The following ZSCAN30 variants were observed in gnomAD, a reference collection of about 807,000 sequenced individuals.
ZSCAN30 encodes the protein zinc finger and SCAN domain-containing protein 30.
A neutral mutation model predicts 44.3 loss-of-function variants in ZSCAN30; 37 were observed. The observed-to-expected ratio is 0.84, with a 90% confidence interval of 0.64 to 1.10. The LOEUF (loss-of-function observed/expected upper bound fraction) is 1.10. Among genes scored for constraint, ZSCAN30 ranks in the 50% least tolerant of loss-of-function variants. The probability of loss-of-function intolerance (pLI) is 0.00; values close to 1 mark genes in which losing one functional copy is unlikely to be tolerated. For missense variants in ZSCAN30, 549 were observed against 582.6 expected, an observed-to-expected ratio of 0.94 and a Z score of 0.59; for synonymous variants, 181 against 204.6, an observed-to-expected ratio of 0.88 and a Z score of 0.98.
At chr18:35,275,603 T>A (rs891811704) in intron 1 of ZSCAN30, among the ~76,000 whole-genome samples, 5 of 152,122 alleles carry the variant, frequency 3.3e-5, no homozygotes, top group Non-Finnish European at 5.9e-5. Flanking sequence ...TTGGATCCCA[T>A]CTCCTTCCCC....
At chr18:35,262,346 TA>T (rs1267267250) in intron 3 of ZSCAN30, 1 of 152,190 alleles carries the variant, frequency 6.6e-6, no homozygotes, top group Non-Finnish European at 1.5e-5. Flanking sequence ...CTGCTGCCCA[TA>T]AGGATGATTT....
intron 1 of ZSCAN30, chr18:35,267,534 C>T (rs1055698570): frequency 1.3e-5 from 2 of 152,048 alleles, no homozygotes; most frequent in African/African-American, 4.8e-5. Context: ...AATGCCCGGC[C>T]GCACGCGCGC....
In ZSCAN30 at chr18:35,252,362, A is replaced by C. The variant is rs887281888; in HGVS notation, c.*1088T>G. On this transcript the variant is annotated 3_prime_UTR_variant, in exon 4 of 4. Coordinates refer to ENST00000333206, the MANE Select transcript of ZSCAN30 (RefSeq NM_001112734.4). ...ATGACTCTGGGACTCAGGCAGTGGG[A>C]AGTATAAAGGAACACGGTGATCTGC... 6.6e-6 allele frequency: 1 copy of C among 152,194 alleles called. No individual in the cohort carries two copies. The highest frequency in any genetic ancestry group is 1.9e-4 in the East Asian group (1 of 5,196). The allele number at this position is 152,194 out of a possible 1,614,324, so 9.4% of individuals were successfully genotyped here.
chr18:35,282,378 A>G (rs1333641172), intron 1 of ZSCAN30: 1 of 152,230 alleles, frequency 6.6e-6, no homozygotes, highest in Admixed American at 6.5e-5. Context: ...TTGTTATCAT[A>G]ATTTGGAGAA....
rs1325915431 is a variant in ZSCAN30, at chr18:35,264,112, C to T, written c.241G>A (p.Val81Met). 7 of 1,614,162 alleles carry T rather than the reference C, an allele frequency of 4.3e-6. No individual in the cohort carries two copies. The highest frequency in any genetic ancestry group is 1.1e-5 in the South Asian group (1 of 91,086). Residue 81 changes from valine (V) to methionine (M), a missense_variant, in exon 2 of 4, where the codon GTG becomes ATG. Transcript: ENST00000333206. ...TCCAGGATCTGCTCCTTGGAGTGCA[C>T]CTCCGGCCTCAACCACTGACAGCAA... ...ELCCQWLRPE[V>M]HSKEQILELL...
chr18:35,277,762 G>A (rs1006053016), intron 1 of ZSCAN30, among the ~76,000 whole-genome samples: 6 of 152,160 alleles, frequency 3.9e-5, no homozygotes, highest in South Asian at 2.1e-4. Context: ...GTTTGTGGAT[G>A]TATACTCTAT....
Position 35,254,131 on chromosome 18 carries a change from T to C in ZSCAN30, c.804A>G (p.Thr268=), listed in dbSNP as rs2289037. ...CATGAGATTCAAGGACACTGTGTTC[T>C]GTGGGGATTCTTCTGTTGAAGGTTG... ...SLATFNRRIP[T]EHSVLESHES... Residue 268 remains threonine, a synonymous_variant, in exon 4 of 4, where the codon ACA becomes ACG. Transcript: ENST00000333206. 0.029 allele frequency: 47,368 copies of C among 1,614,200 alleles called. 2,094 individuals are homozygous for C. Among genetic ancestry groups the C allele is most frequent in the East Asian group, 0.23 (10,354 of 44,878 alleles).
intron 1 of ZSCAN30, among the ~76,000 whole-genome samples, chr18:35,279,992 T>A (rs923977580): frequency 6.6e-6 from 1 of 152,132 alleles, no homozygotes; most frequent in East Asian, 1.9e-4. Flanking sequence ...TAAACCACTG[T>A]GGGCCAGAAG....
chr18:35,275,998 C>T (rs1442504120), intron 1 of ZSCAN30, among the ~76,000 whole-genome samples: 1 of 152,092 alleles, frequency 6.6e-6, no homozygotes, highest in East Asian at 1.9e-4. Flanking sequence ...AGATGGATTC[C>T]TGGGATAAAT....
At position 35,252,210 on chromosome 18, in the gene ZSCAN30, T is replaced by A. The variant is rs1190958753; in HGVS notation, c.*1240A>T. 6.6e-6 allele frequency: 1 copy of A among 152,188 alleles called. No homozygotes were observed. The highest frequency in any genetic ancestry group is 1.9e-4 in the East Asian group (1 of 5,180). The allele number at this position is 152,188 out of a possible 1,614,324, so 9.4% of individuals were successfully genotyped here. ...CTAGACCCAGAATGACCTGTGAGAC[T>A]CTGAAGTACTCAGAATTAGTGTGGT... On this transcript the variant is annotated 3_prime_UTR_variant, in exon 4 of 4. Transcript: ENST00000333206.
intron 1 of ZSCAN30, among the ~76,000 whole-genome samples, chr18:35,265,588 AG>A (rs1193647134): frequency 6.6e-6 from 1 of 152,214 alleles, no homozygotes; most frequent in Admixed American, 6.5e-5. Context: ...TGAAAATGTT[AG>A]GAAGGGATCA....
chr18:35,277,631 C>CTCCCCA (rs945722295), intron 1 of ZSCAN30, among the ~76,000 whole-genome samples: 10 of 152,180 alleles, frequency 6.6e-5, no homozygotes, highest in African/African-American at 9.7e-5. Flanking sequence ...TTCCCGAAGC[C>CTCCCCA]TCCCCAGTCA....
intron 1 of ZSCAN30, among the ~76,000 whole-genome samples, chr18:35,265,872 A>G (rs1173727675): frequency 1.3e-5 from 2 of 152,150 alleles, no homozygotes; most frequent in Non-Finnish European, 2.9e-5. Flanking sequence ...AAGATGACTG[A>G]CCAAGACCAA....
At position 35,252,790 on chromosome 18, in the gene ZSCAN30, G is replaced by C. The variant is rs1246801657; in HGVS notation, c.*660C>G. ...CATATCCTATTAGCCCTTAACTCTG[G>C]GAGGGCAATGACCAGGTCTACCTCA... On this transcript the variant is annotated 3_prime_UTR_variant, in exon 4 of 4. Coordinates refer to ENST00000333206, the MANE Select transcript of ZSCAN30 (RefSeq NM_001112734.4). The C allele has an allele frequency of 6.6e-6, 1 of 152,216 alleles. No homozygotes were observed. The highest frequency in any genetic ancestry group is 2.4e-5 in the African/African-American group (1 of 41,410). The allele number at this position is 152,216 out of a possible 1,614,324, so 9.4% of individuals were successfully genotyped here. A position where few individuals can be genotyped will look rare whatever the true frequency, so the allele number is the denominator to read the frequency against.
chr18:35,255,474 A>G (rs2043773490), intron 3 of ZSCAN30, among the ~76,000 whole-genome samples: 1 of 152,088 alleles, frequency 6.6e-6, no homozygotes, highest in Admixed American at 6.6e-5. Flanking sequence ...AATAATTGCT[A>G]AGAGTTAGGA....
intron 1 of ZSCAN30, among the ~76,000 whole-genome samples, chr18:35,276,869 C>T (rs1228869038): frequency 6.6e-6 from 1 of 152,196 alleles, no homozygotes; most frequent in African/African-American, 2.4e-5. Context: ...GTTAGATCCA[C>T]TGAAAGCTTG....
At chr18:35,274,206 G>GT (rs1167076346) in intron 1 of ZSCAN30, among the ~76,000 whole-genome samples, 2 of 152,102 alleles carry the variant, frequency 1.3e-5, no homozygotes, top group East Asian at 3.9e-4. Context: ...TTTTTTGCTT[G>GT]TTTTTTGTTT....
chr18:35,253,824 C>T lies in ZSCAN30; in HGVS notation c.1111G>A (p.Glu371Lys). 6.2e-7 allele frequency: 1 copy of T among 1,614,172 alleles called. No homozygotes were observed. The highest frequency in any genetic ancestry group is 8.5e-7 in the Non-Finnish European group (1 of 1,180,024). ...ECGKAFRGSS[E>K]LIRHRRIHTG... ...TGGATTCTCCGATGCCTGATGAGCTCTGAACTGCCCCTGAAGGCTTTTCCA... is the reference window on the plus strand; with the variant it reads ...TGGATTCTCCGATGCCTGATGAGCTTTGAACTGCCCCTGAAGGCTTTTCCA... The change falls in exon 4 of 4, where the codon GAG becomes AAG. Residue 371 changes from glutamate (E) to lysine (K), a missense_variant. By Grantham distance (56) the Glu-to-Lys change is moderately conservative. Coordinates refer to ENST00000333206, the MANE Select transcript of ZSCAN30 (RefSeq NM_001112734.4).
At chr18:35,258,923 C>G (rs1213056916) in intron 3 of ZSCAN30, 2 of 137,668 alleles carry the variant, frequency 1.5e-5, no homozygotes, top group Non-Finnish European at 3.1e-5. Flanking sequence ...AGTGTACTCA[C>G]TGCATTCAAG....
Sources: gnomAD v4.1 joint callset for allele counts (sites outside exome capture counted in the v4.1 genomes callset) on GRCh38, gnomAD v4.1.1 for gene constraint, MANE v1.5 for transcripts, NCBI Gene and HGNC (gene_info 2026-07-23, HGNC 2026-07-21) for gene names.